The following MAGI2 variants were observed in gnomAD, a reference collection of about 807,000 sequenced individuals.
MAGI2 encodes the protein membrane-associated guanylate kinase, WW and PDZ domain-containing protein 2.
A neutral mutation model predicts 133.3 loss-of-function variants in MAGI2; 35 were observed. The ratio of observed to expected loss-of-function variants is 0.26; its 90% CI spans 0.20 to 0.35. The LOEUF (loss-of-function observed/expected upper bound fraction) is 0.35, where lower values mean the gene tolerates loss of function less well. MAGI2 is among the 10% of genes least tolerant of loss of function. The probability of loss-of-function intolerance (pLI) is 1.00; values close to 1 mark genes in which losing one functional copy is unlikely to be tolerated. For synonymous variants in MAGI2, 729 were observed against 710.6 expected, an observed-to-expected ratio of 1.03 and a Z score of -0.41; for missense variants, 1,636 against 1,863.4, an observed-to-expected ratio of 0.88 and a Z score of 2.25.
At chr7:78,851,466 G>A (rs868499088) in intron 2 of MAGI2, among the ~76,000 whole-genome samples, 1 of 152,008 alleles carries the variant, frequency 6.6e-6, no homozygotes, top group Non-Finnish European at 1.5e-5. Context: ...AACAAGCAGG[G>A]TGAAGTTACC....
At chr7:78,745,419 C>G (rs1278100671) in intron 2 of MAGI2, among the ~76,000 whole-genome samples, 1 of 152,046 alleles carries the variant, frequency 6.6e-6, no homozygotes, top group Non-Finnish European at 1.5e-5. Flanking sequence ...GTTCCCAACT[C>G]TACTATCCTG....
Position 78,062,342 on chromosome 7 carries a change from T to C in MAGI2, c.3706+16605A>G, listed in dbSNP as rs551564945. Among the ~76,000 whole-genome samples the C allele has an allele frequency of 8.4e-4, 128 of 152,102 alleles. 1 individual carries two copies. Among genetic ancestry groups the C allele is most frequent in the African/African-American group, 3.0e-3 (126 of 41,498 alleles). On this transcript the variant is annotated intron_variant, in intron 21 of 21. Transcript: ENST00000354212. ...AGGGCCTATAGAGAGGTCCATGGAG[T>C]AGCAGGCGAAGGCCACTTCCCACCC...
intron 2 of MAGI2, among the ~76,000 whole-genome samples, chr7:78,803,458 C>G (rs781662255): frequency 6.6e-6 from 1 of 152,052 alleles, no homozygotes; most frequent in Non-Finnish European, 1.5e-5. Context: ...GCATTAAGGT[C>G]AGAAAAATCT....
chr7:79,092,980 T>G (rs553306297), intron 1 of MAGI2, among the ~76,000 whole-genome samples: 13 of 152,274 alleles, frequency 8.5e-5, no homozygotes, highest in African/African-American at 2.4e-4. Flanking sequence ...AGAAATAAAT[T>G]TATGAATACA....
chr7:79,096,143 G>A (rs1397740593), intron 1 of MAGI2, among the ~76,000 whole-genome samples: 1 of 152,114 alleles, frequency 6.6e-6, no homozygotes, highest in Non-Finnish European at 1.5e-5. Flanking sequence ...GTGTTGCTGG[G>A]AGGCATTGCT....
chr7:78,048,871 G>A lies in MAGI2; in HGVS notation c.3707-28895C>T, dbSNP rs137875030. ...TGCCTGTAATCCCAGCACTTTGGGA[G>A]GCTGAGGCGGGTGGATCACAAGGAC... On this transcript the variant is annotated intron_variant, in intron 21 of 21. Transcript: ENST00000354212. Among the ~76,000 whole-genome samples, 137 of 152,286 alleles carry A rather than the reference G, an allele frequency of 9.0e-4. No homozygotes were observed. The East Asian group carries it at 0.025, about 27-fold the overall frequency.
chr7:78,732,821 GT>G (rs1821499331), intron 2 of MAGI2, among the ~76,000 whole-genome samples: 1 of 151,998 alleles, frequency 6.6e-6, no homozygotes. Context: ...TTTCTATGGA[GT>G]TTTTTAGGGT....
intron 1 of MAGI2, among the ~76,000 whole-genome samples, chr7:79,052,893 G>A (rs1225026243): frequency 6.6e-6 from 1 of 152,060 alleles, no homozygotes; most frequent in African/African-American, 2.4e-5. Flanking sequence ...ATCTTTACAT[G>A]CTTTTATTAT....
chr7:78,961,460 A>G (rs889072587), intron 2 of MAGI2, among the ~76,000 whole-genome samples: 4 of 152,058 alleles, frequency 2.6e-5, no homozygotes, highest in Non-Finnish European at 5.9e-5. Flanking sequence ...CGTACCCTAA[A>G]CTAATCGCTG....
At chr7:78,626,161 G>A (rs1048477831) in intron 3 of MAGI2, among the ~76,000 whole-genome samples, 4 of 152,052 alleles carry the variant, frequency 2.6e-5, no homozygotes, top group Non-Finnish European at 2.9e-5. Context: ...TTAGTTGCAG[G>A]TTAATAAAAC....
intron 1 of MAGI2, among the ~76,000 whole-genome samples, chr7:79,040,095 A>C: frequency 6.6e-6 from 1 of 151,982 alleles, no homozygotes; most frequent in East Asian, 1.9e-4. Context: ...CTATAGGTCA[A>C]GGGAGAGACC....
intron 6 of MAGI2, among the ~76,000 whole-genome samples, chr7:78,415,225 G>T (rs1179839131): frequency 1.3e-5 from 2 of 152,022 alleles, no homozygotes; most frequent in Non-Finnish European, 2.9e-5. Context: ...GTACTAAGCA[G>T]GAAATCTCAA....
intron 2 of MAGI2, among the ~76,000 whole-genome samples, chr7:78,915,803 T>C (rs1413056841): frequency 6.6e-6 from 1 of 151,818 alleles, no homozygotes; most frequent in African/African-American, 2.4e-5. Context: ...TAAATATTTA[T>C]TGTGTGGATA....
intron 2 of MAGI2, among the ~76,000 whole-genome samples, chr7:78,805,633 G>A (rs903697715): frequency 1.3e-5 from 2 of 152,132 alleles, no homozygotes; most frequent in African/African-American, 4.8e-5. Flanking sequence ...GCATATAGCT[G>A]ACCTGTAAAC....
At chr7:78,788,957 G>A (rs75980578) in intron 2 of MAGI2, among the ~76,000 whole-genome samples, 1,650 of 152,098 alleles carry the variant, frequency 0.011, 29 homozygotes, top group African/African-American at 0.038. Context: ...CCTTCTCCTG[G>A]GTCGCTGTCC....
intron 1 of MAGI2, among the ~76,000 whole-genome samples, chr7:79,168,609 T>C (rs1320624092): frequency 2.0e-5 from 3 of 152,104 alleles, no homozygotes; most frequent in Non-Finnish European, 4.4e-5. Context: ...TCTTCCATGA[T>C]GACTTTGACC....
intron 2 of MAGI2, among the ~76,000 whole-genome samples, chr7:78,682,911 G>T (rs1292145066): frequency 3.9e-5 from 6 of 152,232 alleles, no homozygotes; most frequent in African/African-American, 1.4e-4. Flanking sequence ...ATGTAAAACT[G>T]TTTTGCTTTA....
intron 2 of MAGI2, among the ~76,000 whole-genome samples, chr7:78,734,819 C>T (rs898001695): frequency 6.6e-6 from 1 of 152,076 alleles, no homozygotes; most frequent in South Asian, 2.1e-4. Context: ...AGCCTGTGGT[C>T]ATCCTGAGGT....
intron 2 of MAGI2, among the ~76,000 whole-genome samples, chr7:78,772,081 T>C (rs539253437): frequency 2.0e-5 from 3 of 152,248 alleles, no homozygotes; most frequent in Non-Finnish European, 2.9e-5. Flanking sequence ...AGTATAGTAT[T>C]GAAGATACAT....
Sources: gnomAD v4.1 joint callset for allele counts (sites outside exome capture counted in the v4.1 genomes callset) on GRCh38, gnomAD v4.1.1 for gene constraint, MANE v1.5 for transcripts, NCBI Gene and HGNC (gene_info 2026-07-23, HGNC 2026-07-21) for gene names.